Variants in PPP1R14C observed in about 807,000 individuals in gnomAD.
The protein encoded by PPP1R14C is protein phosphatase 1 regulatory subunit 14C.
PPP1R14C carries 16 observed loss-of-function variants against 20.4 expected under a neutral mutation model. That is an observed-to-expected ratio of 0.78 (90% confidence interval 0.53 to 1.19). PPP1R14C has a LOEUF of 1.19. Ranked by LOEUF, PPP1R14C falls within the 50% of genes most tolerant of loss-of-function variation. The pLI is 0.00. For missense variants in PPP1R14C, 211 were observed against 220.1 expected, an observed-to-expected ratio of 0.96 and a Z score of 0.26; for synonymous variants, 91 against 91.0, an observed-to-expected ratio of 1.00 and a Z score of 0.00.
At chr6:150,206,970 T>C (rs1777960190) in intron 1 of PPP1R14C, among the ~76,000 whole-genome samples, 1 of 152,042 alleles carries the variant, frequency 6.6e-6, no homozygotes, top group Admixed American at 6.6e-5. Context: ...GTTCCTGCGA[T>C]TCTCCTGCCT....
chr6:150,151,025 T>C (rs1777240542), intron 1 of PPP1R14C, among the ~76,000 whole-genome samples: 1 of 152,112 alleles, frequency 6.6e-6, no homozygotes, highest in African/African-American at 2.4e-5. Flanking sequence ...GCTCTCTGTT[T>C]TTTTTGTTGT....
At chr6:150,191,320 T>C (rs755926068) in intron 1 of PPP1R14C, among the ~76,000 whole-genome samples, 62 of 152,288 alleles carry the variant, frequency 4.1e-4, no homozygotes, top group Middle Eastern at 3.4e-3. Context: ...AAGCTAGGAG[T>C]GCAAAGATTC....
intron 3 of PPP1R14C, among the ~76,000 whole-genome samples, chr6:150,237,210 T>G (rs753236149): frequency 2.0e-5 from 3 of 152,164 alleles, no homozygotes; most frequent in Non-Finnish European, 4.4e-5. Context: ...ATATTCTTTT[T>G]TTTTGTTGTT....
chr6:150,206,908 G>A (rs1313339707), intron 1 of PPP1R14C, among the ~76,000 whole-genome samples: 9 of 150,484 alleles, frequency 6.0e-5, no homozygotes, highest in African/African-American at 9.8e-5. Context: ...TCTGTTGTCC[G>A]GGCTAGAGTG....
At chr6:150,218,436 T>G (rs1408867698) in intron 3 of PPP1R14C, among the ~76,000 whole-genome samples, 1 of 150,014 alleles carries the variant, frequency 6.7e-6, no homozygotes, top group Non-Finnish European at 1.5e-5. Flanking sequence ...CAATATTATA[T>G]GTATATATTT....
intron 1 of PPP1R14C, among the ~76,000 whole-genome samples, chr6:150,167,322 C>T (rs150930125): frequency 0.012 from 1,790 of 151,692 alleles, 12 homozygotes; most frequent in Middle Eastern, 0.02. Context: ...GAGCCGAGAT[C>T]GCACCACTGC....
intron 1 of PPP1R14C, among the ~76,000 whole-genome samples, chr6:150,199,142 G>T (rs960416791): frequency 1.3e-5 from 2 of 152,090 alleles, no homozygotes; most frequent in East Asian, 3.9e-4. Context: ...CAGATATGAC[G>T]GGTCAGTGGC....
rs1777144348 is a variant in PPP1R14C, at chr6:150,143,323, G to T, written c.131G>T (p.Arg44Leu). Residue 44 changes from arginine (R) to leucine (L), a missense_variant, in exon 1 of 4, where the codon CGG (arginine) becomes CTG (leucine). Coordinates refer to ENST00000361131, the MANE Select transcript of PPP1R14C (RefSeq NM_030949.3). This position sits in a 1 kb window ranked among gnomAD's most constrained non-coding sequence, Gnocchi z 5.6. ...PGSSSGSGSS[R>L]EDSAPVATAA... is the part of the protein sequence containing the mutation. ...TCCAGCAGCGGCTCAGGCTCCTCCC[G>T]GGAGGACTCGGCGCCCGTGGCCACG... 2 of 1,600,720 alleles carry T rather than the reference G, an allele frequency of 1.2e-6. No individual in the cohort carries two copies. Among genetic ancestry groups the T allele is most frequent in the East Asian group, 4.6e-5 (2 of 43,500 alleles).
At chr6:150,165,946 T>C (rs1259811882) in intron 1 of PPP1R14C, among the ~76,000 whole-genome samples, 1 of 152,158 alleles carries the variant, frequency 6.6e-6, no homozygotes, top group Non-Finnish European at 1.5e-5. Flanking sequence ...TTTAGAAAAA[T>C]AGAGGAATGC....
At chr6:150,168,566 A>AAAACAAAAC (rs1562260108) in intron 1 of PPP1R14C, among the ~76,000 whole-genome samples, 4 of 69,168 alleles carry the variant, frequency 5.8e-5, no homozygotes, top group African/African-American at 2.1e-4. Flanking sequence ...CAAAACAAAA[A>AAAACAAAAC]AACCCTTGAT....
At chr6:150,177,916 T>C (rs1439731064) in intron 1 of PPP1R14C, among the ~76,000 whole-genome samples, 1 of 152,164 alleles carries the variant, frequency 6.6e-6, no homozygotes, top group Non-Finnish European at 1.5e-5. Context: ...CTGTGGCATG[T>C]GTGTTTTCCC....
intron 1 of PPP1R14C, among the ~76,000 whole-genome samples, chr6:150,173,389 T>C (rs1777520482): frequency 6.6e-6 from 1 of 152,114 alleles, no homozygotes; most frequent in African/African-American, 2.4e-5. Context: ...TTTCCACTCA[T>C]GTGGAGCCTT....
At chr6:150,163,408 C>A (rs565296886) in intron 1 of PPP1R14C, among the ~76,000 whole-genome samples, 14 of 152,066 alleles carry the variant, frequency 9.2e-5, no homozygotes, top group African/African-American at 2.9e-4. Flanking sequence ...ACAACAACAA[C>A]AAAAAACTTT....
In PPP1R14C at chr6:150,143,841, C is replaced by G. The variant is rs1777152181; in HGVS notation, c.306+343C>G. ...CTGCGCAAAGCGGGGCTCGGAGGGG[C>G]TCACTCCAGCTGCGCCTCAGCAGCG... is the stretch of plus-strand genomic sequence containing the variant. On this transcript the variant is annotated intron_variant, in intron 1 of 3. Coordinates refer to ENST00000361131, the MANE Select transcript of PPP1R14C (RefSeq NM_030949.3). The surrounding 1 kb of genome is among the most constrained non-coding windows in gnomAD (Gnocchi z 5.6). Among the ~76,000 whole-genome samples, 1 of 152,174 alleles carries G rather than the reference C, an allele frequency of 6.6e-6. No homozygotes were observed. The highest frequency in any genetic ancestry group is 2.4e-5 in the African/African-American group (1 of 41,458).
chr6:150,194,371 G>T (rs1396503830), intron 1 of PPP1R14C: 7 of 807,002 alleles, frequency 8.7e-6, no homozygotes, highest in Non-Finnish European at 1.0e-5. Context: ...CTTGAGCCAA[G>T]ATTTATCTTT....
intron 1 of PPP1R14C, among the ~76,000 whole-genome samples, chr6:150,168,386 A>G (rs1777457443): frequency 6.6e-6 from 1 of 151,578 alleles, no homozygotes; most frequent in Non-Finnish European, 1.5e-5. Flanking sequence ...AATACAGATT[A>G]CCTGGGCGTA....
At chr6:150,150,127 C>T (rs1408505) in intron 1 of PPP1R14C, among the ~76,000 whole-genome samples, 32,731 of 152,166 alleles carry the variant, frequency 0.22, 3,729 homozygotes, top group South Asian at 0.31. Flanking sequence ...TGTATCTGAA[C>T]TAATTGGTGA....
chr6:150,166,917 C>T (rs898238482), intron 1 of PPP1R14C, among the ~76,000 whole-genome samples: 18 of 152,096 alleles, frequency 1.2e-4, no homozygotes, highest in South Asian at 4.1e-4. Flanking sequence ...CATTTGGAAC[C>T]GAGTGAAGGA....
chr6:150,230,510 C>T (rs573850629), intron 3 of PPP1R14C, among the ~76,000 whole-genome samples: 15 of 152,144 alleles, frequency 9.9e-5, no homozygotes, highest in Admixed American at 1.3e-4. Flanking sequence ...GTTTCTCTCC[C>T]GTCCCCCCAC....
Sources: allele counts gnomAD v4.1 joint callset (sites outside exome capture counted in the v4.1 genomes callset), GRCh38; gene constraint gnomAD v4.1.1; non-coding constraint Gnocchi (gnomAD v3.1); transcripts MANE v1.5; gene names NCBI Gene and HGNC (gene_info 2026-07-23, HGNC 2026-07-21).